Variants in CADM1 observed in about 807,000 individuals in gnomAD.
CADM1 encodes TSLC-1.
In CADM1, 15 loss-of-function variants were observed where a neutral mutation model predicts 53.1. That is an observed-to-expected ratio of 0.28 (90% CI 0.19 to 0.44). The LOEUF is 0.44. Ranked by LOEUF, CADM1 falls within the 20% of genes least tolerant of loss-of-function variation. The pLI is 1.00. For missense variants in CADM1, 434 were observed against 611.3 expected (o/e 0.71, Z 3.06); for synonymous variants, 281 against 243.0 (o/e 1.16, Z -1.45).
chr11:115,254,834 T>C (rs1458946134), intron 1 of CADM1, among the ~76,000 whole-genome samples: 2 of 152,162 alleles, frequency 1.3e-5, no homozygotes, highest in East Asian at 1.9e-4. Flanking sequence ...TTGAATGACA[T>C]TGCATGCCAG....
At chr11:115,332,833 T>C (rs1319461782) in intron 1 of CADM1, among the ~76,000 whole-genome samples, 1 of 152,090 alleles carries the variant, frequency 6.6e-6, no homozygotes, top group Non-Finnish European at 1.5e-5. Context: ...TTAAAAAATA[T>C]ATTTAATCCC....
chr11:115,433,269 TAC>T (rs1948102579), intron 1 of CADM1, among the ~76,000 whole-genome samples: 1 of 152,162 alleles, frequency 6.6e-6, no homozygotes, highest in South Asian at 2.1e-4. Context: ...TATAGACACA[TAC>T]AAAATGCATT....
At chr11:115,501,250 G>T (rs540312767) in intron 1 of CADM1, among the ~76,000 whole-genome samples, 3 of 152,160 alleles carry the variant, frequency 2.0e-5, no homozygotes, top group African/African-American at 7.2e-5. Flanking sequence ...ATCTATCACA[G>T]ACAAGTGCAA....
chr11:115,475,871 G>A (rs1053987756), intron 1 of CADM1, among the ~76,000 whole-genome samples: 18 of 152,122 alleles, frequency 1.2e-4, no homozygotes, highest in African/African-American at 3.6e-4. Context: ...CTGTAAAGTA[G>A]ATATACAATT....
chr11:115,491,797 T>C (rs757863888), intron 1 of CADM1, among the ~76,000 whole-genome samples: 7 of 152,162 alleles, frequency 4.6e-5, no homozygotes, highest in Admixed American at 3.9e-4. Context: ...ATCATGTCCT[T>C]TGCAGGGACA....
chr11:115,498,828 T>A (rs1422799030), intron 1 of CADM1, among the ~76,000 whole-genome samples: 2 of 152,152 alleles, frequency 1.3e-5, no homozygotes, highest in Non-Finnish European at 2.9e-5. Flanking sequence ...AGGGGCTGTA[T>A]CTTAGAAATC....
At chr11:115,215,769 T>C (rs999137325) in intron 6 of CADM1, among the ~76,000 whole-genome samples, 1 of 152,164 alleles carries the variant, frequency 6.6e-6, no homozygotes, top group African/African-American at 2.4e-5. Context: ...CATTTAGAAT[T>C]GTGCCTGAAA....
intron 5 of CADM1, 95 bp from the exon 6 acceptor site, chr11:115,218,086 T>G (rs945639941): frequency 2.8e-5 from 22 of 799,178 alleles, no homozygotes; most frequent in Non-Finnish European, 4.6e-5. Context: ...GTACCAGCAC[T>G]TACTCTCTCC....
intron 1 of CADM1, among the ~76,000 whole-genome samples, chr11:115,376,421 G>A (rs1187886523): frequency 6.6e-6 from 1 of 152,062 alleles, no homozygotes; most frequent in Non-Finnish European, 1.5e-5. Context: ...TAAGATTAGA[G>A]GATGTTTCTA....
chr11:115,371,736 T>C (rs1217397816), intron 1 of CADM1, among the ~76,000 whole-genome samples: 1 of 151,224 alleles, frequency 6.6e-6, no homozygotes, highest in Admixed American at 6.6e-5. Flanking sequence ...CCTCCCGAGT[T>C]CACGTCATTC....
At chr11:115,345,437 TTGAAAGC>T (rs1478916209) in intron 1 of CADM1, among the ~76,000 whole-genome samples, 2 of 152,052 alleles carry the variant, frequency 1.3e-5, no homozygotes, top group Non-Finnish European at 2.9e-5. Flanking sequence ...TTGGATGGGG[TTGAAAGC>T]TGAAGTCCTG....
rs17118113 is a variant in CADM1, at chr11:115,235,082, T to C, written c.424+3418A>G. ...GGTTAGAAGAAGAAACAGGCATGTA[T>C]ACTGGGAGTTGTTTGGTTTATAAAA... On this transcript the variant is annotated intron_variant, in intron 3 of 11. Transcript: ENST00000331581. 5.8e-3 allele frequency among the ~76,000 whole-genome samples: 882 copies of C among 152,084 alleles called. 2 individuals carry two copies. The highest frequency in any genetic ancestry group is 0.02 in the African/African-American group (851 of 41,516).
intron 10 of CADM1, among the ~76,000 whole-genome samples, chr11:115,185,892 G>A (rs1939521446): frequency 6.6e-6 from 1 of 152,188 alleles, no homozygotes; most frequent in Admixed American, 6.5e-5. Flanking sequence ...ATTTGGGGGT[G>A]TGAGGAGGAT....
chr11:115,332,906 C>A (rs568111529), intron 1 of CADM1, among the ~76,000 whole-genome samples: 2 of 152,048 alleles, frequency 1.3e-5, no homozygotes, highest in Admixed American at 6.6e-5. Context: ...GATCTCCCTG[C>A]GCTTCCCTAA....
At chr11:115,469,291 C>T (rs1948959065) in intron 1 of CADM1, among the ~76,000 whole-genome samples, 1 of 152,236 alleles carries the variant, frequency 6.6e-6, no homozygotes, top group South Asian at 2.1e-4. Context: ...CTAGCACCTT[C>T]TATGTCCCAG....
At chr11:115,366,503 A>G (rs1946161233) in intron 1 of CADM1, among the ~76,000 whole-genome samples, 1 of 152,208 alleles carries the variant, frequency 6.6e-6, no homozygotes, top group Non-Finnish European at 1.5e-5. Flanking sequence ...AGATCCTGAA[A>G]TGTCTCTTTG....
intron 1 of CADM1, among the ~76,000 whole-genome samples, chr11:115,454,229 C>A (rs573593498): frequency 6.6e-6 from 1 of 152,240 alleles, no homozygotes; most frequent in South Asian, 2.1e-4. Flanking sequence ...CTTTTGTTTA[C>A]AACAGATCTT....
intron 9 of CADM1, among the ~76,000 whole-genome samples, chr11:115,194,388 A>G (rs531055033): frequency 3.5e-4 from 54 of 152,344 alleles, no homozygotes; most frequent in African/African-American, 1.3e-3. Context: ...GAAAAGGAAG[A>G]GCTACAGGGG....
intron 9 of CADM1, among the ~76,000 whole-genome samples, chr11:115,196,770 T>TA (rs1310001607): frequency 2.0e-5 from 3 of 152,148 alleles, no homozygotes; most frequent in Non-Finnish European, 2.9e-5. Flanking sequence ...GCTCAAAACT[T>TA]AAAGTATCTT....
Sources: gnomAD v4.1 joint callset for allele counts (sites outside exome capture counted in the v4.1 genomes callset) on GRCh38, gnomAD v4.1.1 for gene constraint, MANE v1.5 for transcripts, NCBI Gene and HGNC (gene_info 2026-07-23, HGNC 2026-07-21) for gene names.